The following IARS1 variants were observed in gnomAD, a reference collection of about 807,000 sequenced individuals.
IARS1 encodes isoleucine--tRNA ligase, cytoplasmic.
Under a neutral mutation model 168.2 loss-of-function variants are expected in IARS1, and 124 were observed. That is an observed-to-expected ratio of 0.74 (90% CI 0.64 to 0.86). IARS1 has a LOEUF of 0.86. Ranked by LOEUF, IARS1 falls within the 40% of genes least tolerant of loss-of-function variation. The probability of loss-of-function intolerance (pLI) is 0.00; values close to 1 mark genes in which losing one functional copy is unlikely to be tolerated. For synonymous variants in IARS1, 532 were observed against 529.4 expected, an observed-to-expected ratio of 1.00 and a Z score of -0.07; for missense variants, 1,452 against 1,515.8, an observed-to-expected ratio of 0.96 and a Z score of 0.70.
intron 33 of IARS1, among the ~76,000 whole-genome samples, chr9:92,211,249 T>C (rs1837700955): frequency 6.6e-6 from 1 of 152,166 alleles, no homozygotes; most frequent in African/African-American, 2.4e-5. Context: ...CAACAGAAAC[T>C]GGACACCAAG....
rs771326067 is a variant in IARS1, at chr9:92,240,929, G to T, written c.3210C>A (p.Thr1070=). 1.2e-6 allele frequency: 2 copies of T among 1,613,122 alleles called. No individual in the cohort carries two copies. The highest frequency in any genetic ancestry group is 1.7e-6 in the Non-Finnish European group (2 of 1,179,258). ...LKGSELEITL[T]RGSSLPGPAC... is the part of the protein sequence containing the mutation. ...CAGGACCAGGAAGGGAAGATCCTCT[G>T]GTGAGTGTAATTTCCAGTTCAGATC... is the stretch of plus-strand genomic sequence containing the variant. Residue 1070 remains threonine (T), a synonymous_variant, in exon 30 of 34, where the codon ACC becomes ACA. Transcript: ENST00000443024.
chr9:92,238,061 A>C (rs1046349961), intron 30 of IARS1, among the ~76,000 whole-genome samples: 3 of 152,046 alleles, frequency 2.0e-5, no homozygotes, highest in Non-Finnish European at 4.4e-5. Context: ...GCCCGCCACC[A>C]AGCCTGGCTA....
intron 7 of IARS1, among the ~76,000 whole-genome samples, chr9:92,278,588 C>T (rs781122478): frequency 2.0e-5 from 3 of 152,134 alleles, no homozygotes; most frequent in Non-Finnish European, 2.9e-5. Flanking sequence ...TTAAAAATAA[C>T]ATTGACAAAG....
chr9:92,246,024 C>T (rs1829145869), intron 26 of IARS1, among the ~76,000 whole-genome samples: 1 of 152,154 alleles, frequency 6.6e-6, no homozygotes, highest in Non-Finnish European at 1.5e-5. Context: ...GATCTGCCCG[C>T]CTCGGCCTCC....
rs767707254 is a variant in IARS1 at position 92,229,145 on chromosome 9, AAC to A, written c.3284-21_3284-20del. The A allele has an allele frequency of 6.2e-7, 1 of 1,609,800 alleles. No individual in the cohort carries two copies. The highest frequency in any genetic ancestry group is 1.1e-5 in the South Asian group (1 of 90,050). On this transcript the variant is annotated intron_variant, in intron 30 of 33. Transcript: ENST00000443024. ...ACTCCACCTAAAAAGCCACAAAAAT[AAC>A]ACCTCAATCAGACAAATAAAACTAA...
chr9:92,222,999 A>G (rs1166126816), intron 32 of IARS1, among the ~76,000 whole-genome samples: 3 of 152,248 alleles, frequency 2.0e-5, no homozygotes, highest in Non-Finnish European at 4.4e-5. Flanking sequence ...CAGGAAAAAA[A>G]TCACTATCAA....
chr9:92,287,693 A>G, intron 4 of IARS1, 98 bp downstream of exon 4: 1 of 1,321,402 alleles, frequency 7.6e-7, no homozygotes, highest in East Asian at 2.5e-5. Context: ...TCTACAAAAA[A>G]TAAATTAATA....
intron 29 of IARS1, 23 bp from the exon 30 acceptor site, chr9:92,240,984 CTGAG>C (rs745509732): frequency 1.4e-5 from 20 of 1,426,400 alleles, no homozygotes; most frequent in Non-Finnish European, 1.7e-5. Context: ...GAACGTATGA[CTGAG>C]TAACTGTGGC....
At chr9:92,219,119 C>T (rs1839258161) in intron 33 of IARS1, among the ~76,000 whole-genome samples, 2 of 152,094 alleles carry the variant, frequency 1.3e-5, no homozygotes, top group South Asian at 2.1e-4. Flanking sequence ...AATAACGCCA[C>T]GTATCTACAA....
At chr9:92,224,661 CCT>C (rs979284118) in intron 31 of IARS1, among the ~76,000 whole-genome samples, 2 of 151,926 alleles carry the variant, frequency 1.3e-5, no homozygotes, top group Non-Finnish European at 2.9e-5. Context: ...AGCAAGACCT[CCT>C]CTCTACAAAA....
chr9:92,231,687 A>G (rs1423961427), intron 30 of IARS1, among the ~76,000 whole-genome samples: 1 of 151,604 alleles, frequency 6.6e-6, no homozygotes, highest in Non-Finnish European at 1.5e-5. Context: ...ATCGGCCTCC[A>G]AAAGGGCTAG....
intron 20 of IARS1, among the ~76,000 whole-genome samples, 186 bp from the exon 21 acceptor site, chr9:92,253,639 C>CA (rs769916741): frequency 6.6e-6 from 1 of 152,152 alleles, no homozygotes; most frequent in Non-Finnish European, 1.5e-5. Context: ...ACATGGCAGT[C>CA]AGAGTGTTTA....
At chr9:92,288,095 G>T in intron 3 of IARS1, 31 bp downstream of exon 3, 1 of 1,589,606 alleles carries the variant, frequency 6.3e-7, no homozygotes, top group Non-Finnish European at 8.5e-7. Context: ...AAAAAAATCA[G>T]AAAATTATAA....
In IARS1 at chr9:92,270,996, A is replaced by T. The variant is rs141404500; in HGVS notation, c.1194T>A (p.Pro398=). Residue 398 remains proline (P), a synonymous_variant, in exon 12 of 34, where the codon CCT becomes CCA. Coordinates refer to ENST00000443024, the MANE Select transcript of IARS1 (RefSeq NM_002161.6). ...TTGTTTCTTCTGACCTCCAGCAAAA[A>T]GGGTAGCTGTGAGTGAAGGTGGTGG... The part of the protein sequence containing the change: ...LVATTFTHSY[P]FCWRSDTPLI... The T allele has an allele frequency of 1.6e-5, 25 of 1,609,114 alleles. No homozygotes were observed. The highest frequency in any genetic ancestry group is 1.4e-5 in the Non-Finnish European group (16 of 1,177,350).
chr9:92,232,445 T>C (rs956957377), intron 30 of IARS1, among the ~76,000 whole-genome samples: 8 of 152,130 alleles, frequency 5.3e-5, no homozygotes, highest in African/African-American at 1.9e-4. Flanking sequence ...AAAGACATGG[T>C]TTTGGTAAGG....
Position 92,262,068 on chromosome 9 carries a change from TA to T in IARS1, c.1787+900del, listed in dbSNP as rs35738102. Among the ~76,000 whole-genome samples, 639 of 142,154 alleles carry T rather than the reference TA, an allele frequency of 4.5e-3. 1 individual carries two copies. The highest frequency in any genetic ancestry group is 5.5e-3 in the African/African-American group (214 of 38,848). 93.3% of individuals were successfully genotyped at this position (142,154 alleles called of 152,430 possible). ...CCCAGCCCTCAATAAAATTTTCAAT[TA>T]AAAAAAAAAAAAAAGTAGTACACAT... On this transcript the variant is annotated intron_variant, in intron 17 of 33. Transcript: ENST00000443024.
intron 33 of IARS1, among the ~76,000 whole-genome samples, chr9:92,214,445 C>T (rs868062302): frequency 1.3e-5 from 2 of 152,102 alleles, no homozygotes; most frequent in Non-Finnish European, 2.9e-5. Context: ...GGAACAGCTC[C>T]GGTCTACAAC....
intron 29 of IARS1, among the ~76,000 whole-genome samples, chr9:92,241,345 T>C (rs1327350602): frequency 1.3e-5 from 2 of 152,084 alleles, no homozygotes; most frequent in East Asian, 3.9e-4. Context: ...ATATTTTAAA[T>C]GATCAACTTT....
intron 31 of IARS1, among the ~76,000 whole-genome samples, chr9:92,224,014 A>G (rs1310268182): frequency 3.9e-5 from 6 of 152,218 alleles, no homozygotes; most frequent in Admixed American, 3.9e-4. Flanking sequence ...CAGCCTCCAA[A>G]TATTGAGTGG....
Sources: gnomAD v4.1 joint callset for allele counts (sites outside exome capture counted in the v4.1 genomes callset) on GRCh38, gnomAD v4.1.1 for gene constraint, MANE v1.5 for transcripts, NCBI Gene and HGNC (gene_info 2026-07-23, HGNC 2026-07-21) for gene names.